The following SPTB variants were observed in gnomAD, a reference collection of about 807,000 sequenced individuals.
The protein encoded by SPTB is spectrin beta, erythrocytic.
In SPTB, 45 loss-of-function variants were observed where a neutral mutation model predicts 256.2. The ratio of observed to expected loss-of-function variants is 0.18; its 90% CI spans 0.14 to 0.23. The LOEUF (loss-of-function observed/expected upper bound fraction) is 0.23, where lower values mean the gene tolerates loss of function less well. Ranked by LOEUF, SPTB falls within the 10% of genes least tolerant of loss-of-function variation. SPTB has a pLI of 1.00. For synonymous variants in SPTB, 1,231 were observed against 1,243.1 expected (o/e 0.99, Z 0.21); for missense variants, 2,715 against 3,040.4 (o/e 0.89, Z 2.52).
At chr14:64,808,023 C>T (rs1422783678) in intron 2 of SPTB, among the ~76,000 whole-genome samples, 1 of 152,218 alleles carries the variant, frequency 6.6e-6, no homozygotes, top group East Asian at 1.9e-4. Context: ...CTCTGTTCCT[C>T]TTTTCTTTTC....
At chr14:64,813,723 A>G (rs899185509) in intron 2 of SPTB, among the ~76,000 whole-genome samples, 4 of 152,106 alleles carry the variant, frequency 2.6e-5, no homozygotes, top group African/African-American at 7.2e-5. Flanking sequence ...ATGAGGTTTC[A>G]CCATGTTGGC....
intron 18 of SPTB, 112 bp from the exon 19 acceptor site, chr14:64,784,505 G>T: frequency 7.1e-7 from 1 of 1,400,970 alleles, no homozygotes; most frequent in Non-Finnish European, 1.0e-6. Flanking sequence ...GGAAGTGCAA[G>T]CACAGAAGAG....
rs761161797 is a variant in SPTB at position 64,848,183 on chromosome 14, C to T, written c.-51-25038G>A. On this transcript the variant is annotated intron_variant, in intron 1 of 35. Transcript: ENST00000644917. ...ATGATGGCTCCTCCCATTTTACCTTCCACAAAGGTAGAAATCTGTTTAGAG... is the reference window on the plus strand; with the variant it reads ...ATGATGGCTCCTCCCATTTTACCTTTCACAAAGGTAGAAATCTGTTTAGAG... 4.6e-5 allele frequency among the ~76,000 whole-genome samples: 7 copies of T among 152,320 alleles called. No individual in the cohort carries two copies. The South Asian group carries it at 1.4e-3, about 32-fold the overall frequency.
intron 1 of SPTB, among the ~76,000 whole-genome samples, chr14:64,833,498 G>A (rs1438292583): frequency 1.3e-5 from 2 of 151,532 alleles, no homozygotes; most frequent in African/African-American, 2.4e-5. Flanking sequence ...GTTGCAGTGA[G>A]CCAAGATTGG....
chr14:64,750,937 ATATAC>A (rs1282898121), intron 33 of SPTB, among the ~76,000 whole-genome samples: 3 of 123,906 alleles, frequency 2.4e-5, no homozygotes, highest in Non-Finnish European at 4.9e-5. Flanking sequence ...ATTATATATC[ATATAC>A]TATATAATAC....
chr14:64,750,570 G>A (rs2081930356), intron 33 of SPTB, among the ~76,000 whole-genome samples: 1 of 151,948 alleles, frequency 6.6e-6, no homozygotes, highest in Non-Finnish European at 1.5e-5. Context: ...GAGGTCAGGA[G>A]TTCAAGACCA....
chr14:64,801,819 A>G lies in SPTB; in HGVS notation c.582T>C (p.Asn194=), dbSNP rs2082891396. 1.2e-6 allele frequency: 2 copies of G among 1,614,120 alleles called. No homozygotes were observed. The highest frequency in any genetic ancestry group is 8.5e-7 in the Non-Finnish European group (1 of 1,180,042). Residue 194 remains asparagine (N), a synonymous_variant, in exon 6 of 36, where the codon AAT becomes AAC. Transcript: ENST00000644917. ...TCCAGCTGGAGGTAAAGTTGGTGAC[A>G]TTAACATGAGGGTAGCTGCATCCAA... ...QMKTAGYPHV[N]VTNFTSSWKD... is the part of the protein sequence containing the mutation.
chr14:64,836,036 T>C (rs1007005901), intron 1 of SPTB, among the ~76,000 whole-genome samples: 23 of 152,174 alleles, frequency 1.5e-4, no homozygotes, highest in Non-Finnish European at 3.1e-4. Context: ...ACACACAGCT[T>C]GGAGACATCT....
Position 64,802,139 on chromosome 14 carries a change from T to G in SPTB, c.566+87A>C, listed in dbSNP as rs1241269850. On this transcript the variant is annotated intron_variant, in intron 5 of 35. Coordinates refer to ENST00000644917, the MANE Select transcript of SPTB (RefSeq NM_001355436.2). This position sits in a 1 kb window ranked among gnomAD's most constrained non-coding sequence, Gnocchi z 5.1. The stretch of plus-strand genomic sequence containing the variant: ...AGGCAGCTGTAGTTCTGGGTGATGA[T>G]GTCTAATGTCCCTCTGGAGATGGCA... The G allele has an allele frequency of 4.0e-6, 5 of 1,247,978 alleles. No homozygotes were observed. In the African/African-American group the frequency reaches 7.4e-5, roughly 18 times the overall value. The allele number at this position is 1,247,978 out of a possible 1,614,324, so 77.3% of individuals were successfully genotyped here.
At position 64,795,582 on chromosome 14, in the gene SPTB, T is replaced by C. The variant is rs1034917443; in HGVS notation, c.1399A>G (p.Ile467Val). The change falls in exon 12 of 36, where the codon ATC (isoleucine) becomes GTC (valine). Residue 467 changes from isoleucine (I) to valine (V), a missense_variant. By Grantham distance (29) the Ile-to-Val change is conservative. This residue lies in a region of SPTB where 416 missense variants were observed against 571.1 expected (regional missense o/e 0.73). Coordinates refer to ENST00000644917, the MANE Select transcript of SPTB (RefSeq NM_001355436.2). The surrounding 1 kb of genome is among the most constrained non-coding windows in gnomAD (Gnocchi z 6.5). ...TCGTAGGCAGCCGTGTCGGTCTCGA[T>C]GGCCTCATGCTTCTTCTTGGCGGCC... ...VEAAKKKHEA[I>V]ETDTAAYEER... The C allele has an allele frequency of 5.6e-6, 9 of 1,614,148 alleles. No homozygotes were observed. The highest frequency in any genetic ancestry group is 4.4e-5 in the South Asian group (4 of 91,064).
Position 64,785,685 on chromosome 14 carries a change from G to C in SPTB, c.3765-58C>G, listed in dbSNP as rs758529015. Reference sequence around the variant, plus strand: ...GTGCCGAGCTTGGGGTCCTCACCAAGCTTGGGGTCCTCACTACCCCCGTGT... The same window carrying C: ...GTGCCGAGCTTGGGGTCCTCACCAACCTTGGGGTCCTCACTACCCCCGTGT... On this transcript the variant is annotated intron_variant, in intron 17 of 35. Transcript: ENST00000644917. This position sits in a 1 kb window ranked among gnomAD's most constrained non-coding sequence, Gnocchi z 4.4. 3.7e-6 allele frequency: 6 copies of C among 1,613,224 alleles called. No homozygotes were observed. Among genetic ancestry groups the C allele is most frequent in the Non-Finnish European group, 5.1e-6 (6 of 1,179,220 alleles).
chr14:64,805,791 C>CAA (rs2082971998), intron 2 of SPTB, among the ~76,000 whole-genome samples: 1 of 152,192 alleles, frequency 6.6e-6, no homozygotes, highest in African/African-American at 2.4e-5. Flanking sequence ...ATTTCCTGCC[C>CAA]TCAAGGAGTT....
At chr14:64,819,472 T>C (rs1280951135) in intron 2 of SPTB, among the ~76,000 whole-genome samples, 21 of 152,234 alleles carry the variant, frequency 1.4e-4, no homozygotes, top group Admixed American at 1.4e-3. Flanking sequence ...CTTACGTTTC[T>C]TGGGCCTCCC....
intron 10 of SPTB, 56 bp downstream of exon 10, chr14:64,797,673 C>CT: frequency 7.6e-7 from 1 of 1,315,614 alleles, no homozygotes; most frequent in Non-Finnish European, 1.1e-6. Flanking sequence ...TCACTGTGTC[C>CT]TTATCGGGAA....
intron 1 of SPTB, among the ~76,000 whole-genome samples, chr14:64,837,060 T>C (rs4899148): frequency 0.077 from 11,680 of 152,232 alleles, 504 homozygotes; most frequent in Non-Finnish European, 0.1. Context: ...AGAGAATCCC[T>C]GAAAGATGCA....
In SPTB at chr14:64,879,342, G is replaced by A. The variant is rs76820994; in HGVS notation, c.-52+450C>T. Among the ~76,000 whole-genome samples, 1,322 of 152,304 alleles carry A rather than the reference G, an allele frequency of 8.7e-3. 25 individuals carry two copies. Among genetic ancestry groups the A allele is most frequent in the African/African-American group, 0.031 (1,272 of 41,566 alleles). ...GCGCAGCCAAGTTCCCCAGAAGAGG[G>A]ATATGAGCGGCCACAAGGCTGAGAA... On this transcript the variant is annotated intron_variant, in intron 1 of 35. Transcript: ENST00000644917.
Position 64,785,787 on chromosome 14 carries a change from T to C in SPTB, c.3726A>G (p.Ser1242=). ...NKLVAEGNLY[S]DKIKEKVQLI... ...GCTGCACCTTCTCCTTGATCTTGTCTGAGTATAGGTTTCCCTCAGCTACCA... is the reference window on the plus strand; with the variant it reads ...GCTGCACCTTCTCCTTGATCTTGTCCGAGTATAGGTTTCCCTCAGCTACCA... Residue 1242 remains serine (S), a synonymous_variant, in exon 17 of 36, where the codon TCA becomes TCG. Transcript: ENST00000644917. This position sits in a 1 kb window ranked among gnomAD's most constrained non-coding sequence, Gnocchi z 4.4. 6.2e-7 allele frequency: 1 copy of C among 1,614,076 alleles called. No individual in the cohort carries two copies. The highest frequency in any genetic ancestry group is 8.5e-7 in the Non-Finnish European group (1 of 1,180,014).
Position 64,822,863 on chromosome 14 carries a change from A to C in SPTB, c.148+84T>G, listed in dbSNP as rs551904550. 3 of 1,586,902 alleles carry C rather than the reference A, an allele frequency of 1.9e-6. No homozygotes were observed. In the African/African-American group the frequency reaches 4.0e-5, roughly 21 times the overall value. ...CCATGCCAGGGCTCACCCAACACAC[A>C]CAGAGGATTCACACTAGGTGGGGAG... On this transcript the variant is annotated intron_variant, in intron 2 of 35. Coordinates refer to ENST00000644917, the MANE Select transcript of SPTB (RefSeq NM_001355436.2).
intron 1 of SPTB, among the ~76,000 whole-genome samples, chr14:64,834,428 CTT>C (rs553895880): frequency 8.2e-5 from 11 of 134,528 alleles, no homozygotes; most frequent in Admixed American, 1.5e-4. Flanking sequence ...CTCTACAAAT[CTT>C]TTTTTTTTTT....
Sources: allele counts gnomAD v4.1 joint callset (sites outside exome capture counted in the v4.1 genomes callset), GRCh38; gene constraint gnomAD v4.1.1; regional missense constraint gnomAD v4.1.1; non-coding constraint Gnocchi (gnomAD v3.1); transcripts MANE v1.5; gene names NCBI Gene and HGNC (gene_info 2026-07-23, HGNC 2026-07-21).